Variants in OXR1 observed in about 807,000 individuals in gnomAD.
OXR1 encodes oxidation resistance protein 1.
OXR1 carries 41 observed loss-of-function variants against 104.6 expected under a neutral mutation model. The observed-to-expected ratio is 0.39, with a 90% CI of 0.31 to 0.51. OXR1 has a LOEUF of 0.51. Among genes scored for constraint, OXR1 ranks in the 20% least tolerant of loss-of-function variants. The pLI is 0.77. For synonymous variants in OXR1, 348 were observed against 348.4 expected (o/e 1.00, Z 0.01); for missense variants, 955 against 1,031.9 (o/e 0.93, Z 1.02).
At chr8:106,697,750 T>C (rs2131329873) in intron 7 of OXR1, 1 of 1,613,812 alleles carries the variant, frequency 6.2e-7, no homozygotes, top group Non-Finnish European at 8.5e-7. Flanking sequence ...CTCCATCTGC[T>C]TGAAGGCCAT....
chr8:106,652,679 C>T (rs188304631), intron 3 of OXR1, among the ~76,000 whole-genome samples: 2 of 150,512 alleles, frequency 1.3e-5, no homozygotes, highest in African/African-American at 2.4e-5. Context: ...AATAGCCTAA[C>T]CTTCTGCCTT....
At chr8:106,568,105 G>A (rs921056012) in intron 3 of OXR1, among the ~76,000 whole-genome samples, 1 of 152,012 alleles carries the variant, frequency 6.6e-6, no homozygotes, top group Non-Finnish European at 1.5e-5. Context: ...CTGTGACTTT[G>A]TTATATCTTG....
intron 2 of OXR1, among the ~76,000 whole-genome samples, chr8:106,378,539 C>T (rs1268830212): frequency 6.6e-6 from 1 of 152,148 alleles, no homozygotes; most frequent in African/African-American, 2.4e-5. Flanking sequence ...GACGGAGTTT[C>T]ACTGTTGTTG....
At chr8:106,743,720 C>A (rs1835139887) in intron 15 of OXR1, among the ~76,000 whole-genome samples, 1 of 152,174 alleles carries the variant, frequency 6.6e-6, no homozygotes, top group African/African-American at 2.4e-5. Flanking sequence ...GGCAGAAATA[C>A]CACTTGACCC....
At chr8:106,399,481 C>A (rs1272404574) in intron 2 of OXR1, among the ~76,000 whole-genome samples, 1 of 152,026 alleles carries the variant, frequency 6.6e-6, no homozygotes, top group East Asian at 1.9e-4. Context: ...TATTTTGAAG[C>A]TCATTACAAA....
chr8:106,403,240 C>T (rs553211706), intron 2 of OXR1, among the ~76,000 whole-genome samples: 5 of 152,292 alleles, frequency 3.3e-5, no homozygotes, highest in East Asian at 1.9e-4. Context: ...TTCTTTTCTT[C>T]GAGAAACATC....
intron 3 of OXR1, among the ~76,000 whole-genome samples, chr8:106,544,403 C>T (rs1168710336): frequency 6.6e-6 from 1 of 152,030 alleles, no homozygotes; most frequent in African/African-American, 2.4e-5. Context: ...ATGCAGAAAC[C>T]TATTTCAGTG....
At chr8:106,648,688 A>G (rs573596315) in intron 3 of OXR1, among the ~76,000 whole-genome samples, 1 of 152,308 alleles carries the variant, frequency 6.6e-6, no homozygotes, top group East Asian at 1.9e-4. Flanking sequence ...CAAGTTTCCA[A>G]CTTATTAATA....
chr8:106,487,352 T>TTC (rs1810742279), intron 2 of OXR1, among the ~76,000 whole-genome samples: 1 of 150,824 alleles, frequency 6.6e-6, no homozygotes, highest in African/African-American at 2.4e-5. Flanking sequence ...TTTTTTTTTT[T>TTC]TTTATGCTGT....
chr8:106,750,784 G>GATT (rs1563773970), intron 16 of OXR1, 22 bp from the exon 17 acceptor site: 8 of 1,528,838 alleles, frequency 5.2e-6, no homozygotes, highest in Non-Finnish European at 7.1e-6. Context: ...AATATTAACA[G>GATT]ATTATTATTT....
chr8:106,401,523 G>T (rs1398775028), intron 2 of OXR1, among the ~76,000 whole-genome samples: 1 of 152,120 alleles, frequency 6.6e-6, no homozygotes, highest in Admixed American at 6.6e-5. Context: ...GGCCTGCACT[G>T]TAATTCACCT....
At chr8:106,302,577 T>G (rs547822873) in intron 1 of OXR1, among the ~76,000 whole-genome samples, 3 of 112,320 alleles carry the variant, frequency 2.7e-5, no homozygotes, top group African/African-American at 1.3e-4. Flanking sequence ...CAGAGCAAGA[T>G]GCTGTCTCAA....
intron 11 of OXR1, chr8:106,726,076 A>C: frequency 1.0e-6 from 1 of 1,000,574 alleles, no homozygotes; most frequent in Non-Finnish European, 1.4e-6. Flanking sequence ...TATGGATACT[A>C]CTTAGTGATT....
intron 2 of OXR1, among the ~76,000 whole-genome samples, chr8:106,505,420 C>A (rs908716341): frequency 6.6e-6 from 1 of 152,146 alleles, no homozygotes; most frequent in South Asian, 2.1e-4. Flanking sequence ...TTTGAAGTGA[C>A]TTCTAAAAGA....
chr8:106,579,740 CT>C lies in OXR1; in HGVS notation c.220+60612del, dbSNP rs559129303. Among the ~76,000 whole-genome samples the C allele has an allele frequency of 4.9e-3, 716 of 146,910 alleles. 5 individuals carry two copies. The highest frequency in any genetic ancestry group is 0.012 in the South Asian group (56 of 4,632). Reference sequence around the variant, plus strand: ...TAAATTCAAGCTGTTTCTGGTCCCACTTTTTTTTTTTAATCACTATGCTATA... The same window carrying C: ...TAAATTCAAGCTGTTTCTGGTCCCACTTTTTTTTTTAATCACTATGCTATA... On this transcript the variant is annotated intron_variant, in intron 3 of 16. Coordinates refer to ENST00000517566, the MANE Select transcript of OXR1 (RefSeq NM_001198533.2).
chr8:106,357,850 C>A (rs746376228), intron 1 of OXR1, among the ~76,000 whole-genome samples: 2 of 152,060 alleles, frequency 1.3e-5, no homozygotes, highest in African/African-American at 4.8e-5. Context: ...AGTAAAAAAA[C>A]CACAAAACTT....
intron 3 of OXR1, among the ~76,000 whole-genome samples, chr8:106,625,348 C>A (rs1304907716): frequency 6.6e-6 from 1 of 152,152 alleles, no homozygotes; most frequent in Non-Finnish European, 1.5e-5. Flanking sequence ...AGACCACCCC[C>A]TTTCAGAAAG....
chr8:106,317,634 C>G (rs1164643170), intron 1 of OXR1, among the ~76,000 whole-genome samples: 1 of 152,098 alleles, frequency 6.6e-6, no homozygotes, highest in Admixed American at 6.6e-5. Context: ...TGCTCAAAAA[C>G]AGGGGGGCCC....
intron 1 of OXR1, among the ~76,000 whole-genome samples, chr8:106,297,545 A>T (rs1324623978): frequency 6.7e-6 from 1 of 148,214 alleles, no homozygotes; most frequent in Non-Finnish European, 1.5e-5. Flanking sequence ...TACTGTAGGC[A>T]GTTGTAACAC....
Sources: allele counts gnomAD v4.1 joint callset (sites outside exome capture counted in the v4.1 genomes callset), GRCh38; gene constraint gnomAD v4.1.1; transcripts MANE v1.5; gene names NCBI Gene and HGNC (gene_info 2026-07-23, HGNC 2026-07-21).